The following EPB41L3 variants were observed in gnomAD, a reference collection of about 807,000 sequenced individuals.
The protein encoded by EPB41L3 is band 4.1-like protein 3.
Under a neutral mutation model 127.1 loss-of-function variants are expected in EPB41L3, and 57 were observed. The ratio of observed to expected loss-of-function variants is 0.45; its 90% confidence interval spans 0.36 to 0.56. The LOEUF is 0.56. Ranked by LOEUF, EPB41L3 falls within the 20% of genes least tolerant of loss-of-function variation. The probability of loss-of-function intolerance (pLI) is 0.00; values close to 1 mark genes in which losing one functional copy is unlikely to be tolerated. For missense variants in EPB41L3, 1,273 were observed against 1,372.2 expected (o/e 0.93, Z 1.14); for synonymous variants, 572 against 549.5 (o/e 1.04, Z -0.57).
At position 5,392,393 on chromosome 18, in the gene EPB41L3, G is replaced by A. The variant is rs964357295; in HGVS notation, c.*1092C>T. 2 of 152,514 alleles carry A rather than the reference G, an allele frequency of 1.3e-5. No homozygotes were observed. Among genetic ancestry groups the A allele is most frequent in the African/African-American group, 4.8e-5 (2 of 41,400 alleles). The allele number at this position is 152,514 out of a possible 1,614,324, so 9.4% of individuals were successfully genotyped here. On this transcript the variant is annotated 3_prime_UTR_variant, in exon 23 of 23. Transcript: ENST00000341928. ...AACATACAAACTTAGAGCTTTCAGTGCATTTGCCATTTTTATTTCGCTATG... is the reference window on the plus strand; with the variant it reads ...AACATACAAACTTAGAGCTTTCAGTACATTTGCCATTTTTATTTCGCTATG...
chr18:5,409,001 T>G (rs1209450908), intron 14 of EPB41L3, among the ~76,000 whole-genome samples: 1 of 152,120 alleles, frequency 6.6e-6, no homozygotes, highest in Non-Finnish European at 1.5e-5. Flanking sequence ...AGAAAATCAT[T>G]TAGTCTATCT....
chr18:5,543,100 G>C lies in EPB41L3; in HGVS notation c.-12+813C>G, dbSNP rs1460121993. On this transcript the variant is annotated intron_variant, in intron 1 of 22. Transcript: ENST00000341928. This position sits in a 1 kb window ranked among gnomAD's most constrained non-coding sequence, Gnocchi z 5.2. ...CCGAGCCCCCGGGCCACGGCAGGCC[G>C]ACCCAGGCGCCCCCGGCCCGCCCGT... Among the ~76,000 whole-genome samples the C allele has an allele frequency of 6.6e-6, 1 of 151,572 alleles. No individual in the cohort carries two copies. Among genetic ancestry groups the C allele is most frequent in the African/African-American group, 2.4e-5 (1 of 41,356 alleles).
At position 5,395,102 on chromosome 18, in the gene EPB41L3, C is replaced by T; in HGVS notation, c.3118G>A (p.Val1040Ile). The change falls in exon 21 of 23, where the codon GTC becomes ATC. Residue 1040 changes from valine to isoleucine, a missense_variant. Physicochemically the swap from Val to Ile is conservative, Grantham distance 29 (BLOSUM62 3). Around this residue, in one of 3 missense-constraint regions of EPB41L3, gnomAD observed 765 missense variants for 782.9 expected, o/e 0.98. Transcript: ENST00000341928. ...TCAATGTCTGCATCCCCCGTGATGA[C>T]TATTCGCTTCTCAATTCTTGTCTCT... ...ISETRIEKRI[V>I]ITGDADIDHD... The T allele has an allele frequency of 6.2e-7, 1 of 1,614,164 alleles. No individual in the cohort carries two copies. The highest frequency in any genetic ancestry group is 8.5e-7 in the Non-Finnish European group (1 of 1,180,028).
In EPB41L3 at chr18:5,627,101, A is replaced by C. The variant is rs2094930910; in HGVS notation, c.-468+1821T>G. Among the ~76,000 whole-genome samples the C allele has an allele frequency of 3.3e-5, 5 of 152,182 alleles. No individual in the cohort carries two copies. The South Asian group carries it at 1.0e-3, about 32-fold the overall frequency. On this transcript the variant is annotated intron_variant, in intron 1 of 21. Coordinates refer to the EPB41L3 transcript ENST00000545076. ...TAGTCTGTTTACGCAGTGCTCCAGG[A>C]GAACTTTTCTTCAAATTCAGACCAC... is the stretch of plus-strand genomic sequence containing the variant.
intron 3 of EPB41L3, among the ~76,000 whole-genome samples, chr18:5,560,866 C>A (rs2094115401): frequency 6.6e-6 from 1 of 151,962 alleles, no homozygotes; most frequent in Non-Finnish European, 1.5e-5. Context: ...CACCAGGCTT[C>A]TAAAAGACTA....
At chr18:5,396,078 T>C (rs922269288) in intron 19 of EPB41L3, 123 bp downstream of exon 19, 8 of 1,197,306 alleles carry the variant, frequency 6.7e-6, no homozygotes, top group Non-Finnish European at 8.4e-6. Context: ...TTAATAGAAA[T>C]GGTCTGGCTG....
chr18:5,474,180 G>A (rs529363011), intron 3 of EPB41L3, among the ~76,000 whole-genome samples: 19 of 151,724 alleles, frequency 1.3e-4, no homozygotes, highest in East Asian at 3.9e-4. Flanking sequence ...GCAGTGAGCC[G>A]AGATCGCGCC....
upstream of EPB41L3, chr18:5,544,095 G>C (rs1470026584): frequency 3.0e-6 from 3 of 985,534 alleles, no homozygotes; most frequent in Admixed American, 1.2e-4. Context: ...TGCGGCGGGG[G>C]CCCACGCCCA....
intron 3 of EPB41L3, among the ~76,000 whole-genome samples, chr18:5,561,555 T>C (rs2094135942): frequency 6.6e-6 from 1 of 152,150 alleles, no homozygotes; most frequent in Non-Finnish European, 1.5e-5. Context: ...AAACAACTCT[T>C]CCTTATAGAC....
At chr18:5,502,956 C>T (rs193231515) in intron 1 of EPB41L3, among the ~76,000 whole-genome samples, 3 of 152,252 alleles carry the variant, frequency 2.0e-5, no homozygotes, top group East Asian at 3.9e-4. Flanking sequence ...ATCAAGCCCA[C>T]GGTTTTCCAC....
chr18:5,408,951 T>C (rs1278690188), intron 14 of EPB41L3, among the ~76,000 whole-genome samples: 1 of 152,142 alleles, frequency 6.6e-6, no homozygotes, highest in African/African-American at 2.4e-5. Flanking sequence ...CAGAATGAAA[T>C]TCTAGGTGAG....
intron 1 of EPB41L3, among the ~76,000 whole-genome samples, chr18:5,536,294 T>C (rs1218291512): frequency 1.3e-5 from 2 of 151,340 alleles, no homozygotes; most frequent in African/African-American, 4.9e-5. Flanking sequence ...ATGTGTATAT[T>C]AGAAGAGAGT....
intron 3 of EPB41L3, among the ~76,000 whole-genome samples, chr18:5,598,367 T>C (rs1368101800): frequency 1.3e-5 from 2 of 152,228 alleles, no homozygotes; most frequent in Non-Finnish European, 2.9e-5. Context: ...AATGCCATTC[T>C]ACTCATTAAA....
intron 20 of EPB41L3, 60 bp downstream of exon 20, chr18:5,395,549 C>G: frequency 6.6e-7 from 1 of 1,518,138 alleles, no homozygotes. Context: ...GAGTTCTGAA[C>G]AAGCACCTTC....
intron 3 of EPB41L3, among the ~76,000 whole-genome samples, chr18:5,562,680 T>C (rs1034374736): frequency 2.6e-5 from 4 of 152,162 alleles, no homozygotes; most frequent in African/African-American, 9.7e-5. Flanking sequence ...GATATGGAAG[T>C]ATTGACAATG....
At chr18:5,484,408 A>G (rs1047488221) in intron 2 of EPB41L3, among the ~76,000 whole-genome samples, 9 of 151,900 alleles carry the variant, frequency 5.9e-5, no homozygotes, top group Non-Finnish European at 1.2e-4. Flanking sequence ...GCCTTCAAAT[A>G]AATAACTCAA....
rs146737197 is a variant in EPB41L3, at chr18:5,491,399, T to C, written c.-11-2205A>G. Among the ~76,000 whole-genome samples the C allele has an allele frequency of 2.3e-3, 345 of 152,354 alleles. 2 individuals are homozygous for C. Among genetic ancestry groups the C allele is most frequent in the African/African-American group, 7.7e-3 (321 of 41,592 alleles). Reference sequence around the variant, plus strand: ...TTATTCTATTTCCTGAGCAAATGAATATCCCATGATTTTAGTGTTATCAGC... The same window carrying C: ...TTATTCTATTTCCTGAGCAAATGAACATCCCATGATTTTAGTGTTATCAGC... On this transcript the variant is annotated intron_variant, in intron 1 of 22. Transcript: ENST00000341928.
chr18:5,457,294 A>T (rs142194066), intron 3 of EPB41L3, among the ~76,000 whole-genome samples: 54 of 152,208 alleles, frequency 3.5e-4, no homozygotes, highest in African/African-American at 1.3e-3. Flanking sequence ...TGATAAAGCA[A>T]TTGTCTTTCC....
At chr18:5,608,290 A>C (rs2094685302) in intron 3 of EPB41L3, among the ~76,000 whole-genome samples, 1 of 152,134 alleles carries the variant, frequency 6.6e-6, no homozygotes, top group South Asian at 2.1e-4. Flanking sequence ...TAAGAAAGCA[A>C]TCCCTTACTG....
Sources: allele counts gnomAD v4.1 joint callset (sites outside exome capture counted in the v4.1 genomes callset), GRCh38; gene constraint gnomAD v4.1.1; regional missense constraint gnomAD v4.1.1; non-coding constraint Gnocchi (gnomAD v3.1); transcripts MANE v1.5; gene names NCBI Gene and HGNC (gene_info 2026-07-23, HGNC 2026-07-21).